TBL1Y: variants seen among roughly 807,000 people sequenced by gnomAD.
The protein encoded by TBL1Y is transducin beta like 1 Y-linked.
In TBL1Y, 15 loss-of-function variants were observed where a neutral mutation model predicts 12.0. That is an observed-to-expected ratio of 1.25 (90% CI 0.83 to 1.92). TBL1Y has a LOEUF of 1.92. TBL1Y is among the 40% of genes most tolerant of loss of function. The probability of loss-of-function intolerance (pLI) is 0.00; values close to 1 mark genes in which losing one functional copy is unlikely to be tolerated. For missense variants in TBL1Y, 148 were observed against 116.7 expected (o/e 1.27, Z -1.24); for synonymous variants, 53 against 42.6 (o/e 1.24, Z -0.95).
intron 3 of TBL1Y, among the ~76,000 whole-genome samples, chrY:6,992,568 G>A: frequency 3.0e-5 from 1 of 33,461 alleles, no homozygotes; most frequent in Non-Finnish European, 7.4e-5. Flanking sequence ...TCTTGAACCC[G>A]TAACACCATC....
Position 7,070,472 on chromosome Y carries a change from C to T in TBL1Y, c.590+144C>T. On this transcript the variant is annotated intron_variant, in intron 9 of 18. Transcript: ENST00000383032. The stretch of plus-strand genomic sequence containing the variant: ...AGGAATGGGCTGCTCTTTGAGCCAC[C>T]TCTATACGTGTCTCGTATTGTGAAG... 2.3e-5 allele frequency: 5 copies of T among 215,353 alleles called. No homozygotes were observed. In the Admixed American group the frequency reaches 5.7e-4, roughly 25 times the overall value. The allele number at this position is 215,353 out of a possible 400,897, so 53.7% of individuals were successfully genotyped here. A position where few individuals can be genotyped will look rare whatever the true frequency, so the allele number is the denominator to read the frequency against.
At chrY:7,091,342 A>T in intron 18 of TBL1Y, 130 bp from the exon 19 acceptor site, 1 of 138,266 alleles carries the variant, frequency 7.2e-6, no homozygotes, top group South Asian at 8.8e-5. Flanking sequence ...CGATGTTCCA[A>T]TGAAACTTTA....
intron 3 of TBL1Y, among the ~76,000 whole-genome samples, chrY:6,981,603 G>A: frequency 3.1e-5 from 1 of 32,734 alleles, no homozygotes; most frequent in African/African-American, 1.2e-4. Context: ...TGCAGATAAA[G>A]GAAGAAGGAA....
chrY:6,993,375 T>TA (rs541304327), intron 3 of TBL1Y, among the ~76,000 whole-genome samples: 50 of 28,488 alleles, frequency 1.8e-3, no homozygotes, highest in South Asian at 0.013. Flanking sequence ...CCTTCTTTTT[T>TA]AAAAAAAAAA....
At chrY:6,993,663 G>A (rs2012390638) in intron 3 of TBL1Y, among the ~76,000 whole-genome samples, 1 of 31,868 alleles carries the variant, frequency 3.1e-5, no homozygotes, top group Non-Finnish European at 7.5e-5. Flanking sequence ...CTGTTCTTGT[G>A]TTAGTTTGCT....
At chrY:7,012,571 T>G in intron 4 of TBL1Y, among the ~76,000 whole-genome samples, 1 of 34,147 alleles carries the variant, frequency 2.9e-5, no homozygotes, top group Non-Finnish European at 7.3e-5. Flanking sequence ...CAGAAGTAGG[T>G]TACTACCGAC....
intron 4 of TBL1Y, among the ~76,000 whole-genome samples, chrY:7,010,272 GT>G (rs2012511174): frequency 5.9e-5 from 2 of 33,738 alleles, no homozygotes. Flanking sequence ...TTATGTCCAT[GT>G]TTCCAAGACT....
intron 4 of TBL1Y, among the ~76,000 whole-genome samples, chrY:7,004,782 T>C (rs2012475687): frequency 3.0e-5 from 1 of 33,355 alleles, no homozygotes; most frequent in Non-Finnish European, 7.4e-5. Context: ...TTCACTTTTT[T>C]GATGGCCTGC....
intron 14 of TBL1Y, among the ~76,000 whole-genome samples, chrY:7,085,020 G>A: frequency 3.2e-5 from 1 of 31,705 alleles, no homozygotes; most frequent in Admixed American, 3.0e-4. Context: ...ACATGGGAAG[G>A]AACTGTTAGA....
intron 2 of TBL1Y, among the ~76,000 whole-genome samples, chrY:6,958,616 C>T (rs919797776): frequency 1.7e-3 from 55 of 32,573 alleles, no homozygotes; most frequent in Admixed American, 4.8e-3. Flanking sequence ...AAAGGAATGT[C>T]GTAGGAGGGC....
At chrY:7,070,369 C>T in intron 9 of TBL1Y, 41 bp downstream of exon 9, 4 of 385,014 alleles carry the variant, frequency 1.0e-5, no homozygotes, top group Admixed American at 8.0e-5. Flanking sequence ...GTCAGGGAGA[C>T]GCAAGCTGCT....
intron 4 of TBL1Y, among the ~76,000 whole-genome samples, chrY:7,018,157 TG>T (rs2012563043): frequency 2.7e-4 from 9 of 33,647 alleles, no homozygotes; most frequent in African/African-American, 1.0e-3. Flanking sequence ...CACATGAAAA[TG>T]TTGCATTTTC....
intron 2 of TBL1Y, among the ~76,000 whole-genome samples, chrY:6,976,179 G>A (rs2012239251): frequency 3.1e-5 from 1 of 32,717 alleles, no homozygotes; most frequent in Non-Finnish European, 7.4e-5. Flanking sequence ...CAAGTGATCC[G>A]CCCTCCTCAA....
intron 2 of TBL1Y, among the ~76,000 whole-genome samples, chrY:6,928,388 C>G (rs2011841730): frequency 3.0e-5 from 1 of 33,429 alleles, no homozygotes; most frequent in African/African-American, 1.2e-4. Context: ...CCGAGGAAAA[C>G]CTTTGTGGGA....
chrY:6,937,601 T>C (rs2011913518), intron 2 of TBL1Y, among the ~76,000 whole-genome samples: 1 of 32,873 alleles, frequency 3.0e-5, no homozygotes, highest in Non-Finnish European at 7.5e-5. Flanking sequence ...CAACCAACCC[T>C]GGGTGATTAA....
At chrY:6,970,878 G>C (rs2012202687) in intron 2 of TBL1Y, among the ~76,000 whole-genome samples, 1 of 34,576 alleles carries the variant, frequency 2.9e-5, no homozygotes, top group Non-Finnish European at 7.2e-5. Flanking sequence ...CACAGATGTG[G>C]TTCAGTTTAT....
At chrY:6,983,970 T>C (rs2012301164) in intron 3 of TBL1Y, among the ~76,000 whole-genome samples, 1 of 33,351 alleles carries the variant, frequency 3.0e-5, no homozygotes. Context: ...TGTTAGGATT[T>C]TCACACCGTT....
intron 14 of TBL1Y, among the ~76,000 whole-genome samples, chrY:7,084,156 A>G (rs1603051544): frequency 1.5e-4 from 5 of 33,727 alleles, no homozygotes; most frequent in African/African-American, 3.5e-4. Context: ...AGTTAATGCC[A>G]GGACAATAGG....
chrY:6,954,879 G>A (rs2012060655), intron 2 of TBL1Y, among the ~76,000 whole-genome samples: 1 of 33,720 alleles, frequency 3.0e-5, no homozygotes, highest in African/African-American at 1.2e-4. Flanking sequence ...TTGCTCTAAT[G>A]TCAGTTCTCT....
Sources: allele counts gnomAD v4.1 joint callset (sites outside exome capture counted in the v4.1 genomes callset), GRCh38; gene constraint gnomAD v4.1.1; transcripts MANE v1.5; gene names NCBI Gene and HGNC (gene_info 2026-07-23, HGNC 2026-07-21).